Variants in DRC11 observed in about 807,000 individuals in gnomAD.
DRC11 encodes dynein regulatory complex subunit 11, also known as IQ and AAA domain-containing protein 1.
the DRC11 span, chr2:236,487,983 G>T: frequency 6.6e-7 from 1 of 1,522,212 alleles, no homozygotes; most frequent in South Asian, 1.3e-5. Flanking sequence ...CCAACTCCAG[G>T]AGCCCTAGGT....
At chr2:236,350,482 G>A in the DRC11 span, among the ~76,000 whole-genome samples, 5 of 152,364 alleles carry the variant, frequency 3.3e-5, no homozygotes, top group South Asian at 2.1e-4. The surrounding 1 kb of genome is among the most constrained non-coding windows in gnomAD (Gnocchi z 5.2). Flanking sequence ...GTGCTCTGGC[G>A]TCCAGGACAC....
At chr2:236,459,700 T>G in the DRC11 span, among the ~76,000 whole-genome samples, 29 of 148,276 alleles carry the variant, frequency 2.0e-4, no homozygotes, top group Admixed American at 1.7e-3. Flanking sequence ...TATATACATA[T>G]ATACGTATAT....
chr2:236,312,809 T>C, the DRC11 span, among the ~76,000 whole-genome samples: 61 of 151,806 alleles, frequency 4.0e-4, no homozygotes, highest in African/African-American at 1.4e-3. Context: ...ATGAAACTGA[T>C]TGAGGGAAAA....
chr2:236,392,754 GA>G, the DRC11 span, among the ~76,000 whole-genome samples: 1 of 151,940 alleles, frequency 6.6e-6, no homozygotes, highest in Non-Finnish European at 1.5e-5. This position sits in a 1 kb window ranked among gnomAD's most constrained non-coding sequence, Gnocchi z 5.1. Context: ...ACTAAAATAC[GA>G]AAGATTTTGT....
chr2:236,363,992 G>A, the DRC11 span: 15 of 1,608,992 alleles, frequency 9.3e-6, no homozygotes, highest in Non-Finnish European at 1.1e-5. This position sits in a 1 kb window ranked among gnomAD's most constrained non-coding sequence, Gnocchi z 5.6. Flanking sequence ...AAAAAAGGCA[G>A]AGGCAAAGGT....
the DRC11 span, among the ~76,000 whole-genome samples, chr2:236,460,354 C>G: frequency 5.1e-4 from 78 of 152,278 alleles, no homozygotes; most frequent in African/African-American, 1.8e-3. This position sits in a 1 kb window ranked among gnomAD's most constrained non-coding sequence, Gnocchi z 4.0. Context: ...CAACGGAGAG[C>G]GTGCTCCCAG....
the DRC11 span, among the ~76,000 whole-genome samples, chr2:236,394,671 G>C: frequency 1.3e-5 from 2 of 152,024 alleles, no homozygotes; most frequent in Admixed American, 6.6e-5. The surrounding 1 kb of genome is among the most constrained non-coding windows in gnomAD (Gnocchi z 7.0). Context: ...GCTGATACCA[G>C]AGGTGAGCAC....
At chr2:236,350,691 C>T in the DRC11 span, among the ~76,000 whole-genome samples, 17 of 152,350 alleles carry the variant, frequency 1.1e-4, no homozygotes, top group African/African-American at 3.4e-4. This position sits in a 1 kb window ranked among gnomAD's most constrained non-coding sequence, Gnocchi z 5.2. Context: ...ACCAGGCGGC[C>T]GCCACACTGC....
At chr2:236,434,628 G>A in the DRC11 span, among the ~76,000 whole-genome samples, 10 of 152,240 alleles carry the variant, frequency 6.6e-5, no homozygotes, top group East Asian at 1.9e-4. This position sits in a 1 kb window ranked among gnomAD's most constrained non-coding sequence, Gnocchi z 5.5. Context: ...TCACCATGCC[G>A]TTCTGACTCT....
chr2:236,320,841 C>G, the DRC11 span, among the ~76,000 whole-genome samples: 4 of 151,280 alleles, frequency 2.6e-5, no homozygotes, highest in African/African-American at 7.3e-5. Context: ...GGTACCCCCC[C>G]GCCCCCCGCC....
chr2:236,402,179 A>G, the DRC11 span, among the ~76,000 whole-genome samples: 1 of 152,132 alleles, frequency 6.6e-6, no homozygotes, highest in Non-Finnish European at 1.5e-5. The surrounding 1 kb of genome is among the most constrained non-coding windows in gnomAD (Gnocchi z 6.0). Context: ...GCAAAGGCAC[A>G]CTTGGTTGCC....
chr2:236,466,789 C>T, the DRC11 span, among the ~76,000 whole-genome samples: 183 of 152,324 alleles, frequency 1.2e-3, no homozygotes, highest in African/African-American at 4.2e-3. Context: ...CACTGGGAAT[C>T]ACATTTCAGC....
the DRC11 span, among the ~76,000 whole-genome samples, chr2:236,313,341 T>C: frequency 6.6e-6 from 1 of 152,200 alleles, no homozygotes; most frequent in Admixed American, 6.5e-5. The surrounding 1 kb of genome is among the most constrained non-coding windows in gnomAD (Gnocchi z 4.5). Flanking sequence ...AATGCAACAC[T>C]GGTTTAACCA....
At chr2:236,426,167 A>G in the DRC11 span, among the ~76,000 whole-genome samples, 1 of 152,032 alleles carries the variant, frequency 6.6e-6, no homozygotes, top group Non-Finnish European at 1.5e-5. This position sits in a 1 kb window ranked among gnomAD's most constrained non-coding sequence, Gnocchi z 4.1. Context: ...TATTTCTGTG[A>G]AAAAGTGTCA....
At chr2:236,454,053 C>G in the DRC11 span, among the ~76,000 whole-genome samples, 1 of 152,172 alleles carries the variant, frequency 6.6e-6, no homozygotes, top group Non-Finnish European at 1.5e-5. The surrounding 1 kb of genome is among the most constrained non-coding windows in gnomAD (Gnocchi z 5.3). Context: ...TCAGGTCATG[C>G]CCCATCAGCA....
chr2:236,506,218 C>A, the DRC11 span, among the ~76,000 whole-genome samples: 8 of 152,244 alleles, frequency 5.3e-5, no homozygotes, highest in Non-Finnish European at 1.2e-4. The surrounding 1 kb of genome is among the most constrained non-coding windows in gnomAD (Gnocchi z 4.9). Flanking sequence ...CCTCTTCCCC[C>A]AGCCTTACTG....
chr2:236,443,349 C>A, the DRC11 span, among the ~76,000 whole-genome samples: 68 of 152,206 alleles, frequency 4.5e-4, 1 homozygote, highest in Middle Eastern at 3.4e-3. This position sits in a 1 kb window ranked among gnomAD's most constrained non-coding sequence, Gnocchi z 4.4. Flanking sequence ...AACACCCCTG[C>A]CCCAACAGGC....
chr2:236,318,008 C>T, the DRC11 span, among the ~76,000 whole-genome samples: 7 of 152,218 alleles, frequency 4.6e-5, no homozygotes, highest in African/African-American at 7.2e-5. This position sits in a 1 kb window ranked among gnomAD's most constrained non-coding sequence, Gnocchi z 7.0. Context: ...TCTCACGGTG[C>T]GGTGTAGGGG....
At chr2:236,401,111 C>T in the DRC11 span, among the ~76,000 whole-genome samples, 1 of 152,142 alleles carries the variant, frequency 6.6e-6, no homozygotes, top group South Asian at 2.1e-4. This position sits in a 1 kb window ranked among gnomAD's most constrained non-coding sequence, Gnocchi z 4.6. Flanking sequence ...ACAGTCCAAG[C>T]CCCTCAGCAG....
Sources: allele counts gnomAD v4.1 joint callset (sites outside exome capture counted in the v4.1 genomes callset), GRCh38; gene constraint gnomAD v4.1.1; non-coding constraint Gnocchi (gnomAD v3.1); transcripts MANE v1.5; gene names NCBI Gene and HGNC (gene_info 2026-07-23, HGNC 2026-07-21).